KIF1B: variants seen among roughly 807,000 people sequenced by gnomAD.
KIF1B encodes kinesin-like protein KIF1B.
Under a neutral mutation model 241.9 loss-of-function variants are expected in KIF1B, and 76 were observed. The observed-to-expected ratio is 0.31, with a 90% CI of 0.26 to 0.38. KIF1B has a LOEUF of 0.38. Among genes scored for constraint, KIF1B ranks in the 10% least tolerant of loss-of-function variants. The pLI, the probability that KIF1B is intolerant of heterozygous loss-of-function variation, is 1.00. For synonymous variants in KIF1B, 750 were observed against 796.7 expected (o/e 0.94, Z 0.99); for missense variants, 1,622 against 2,271.4 (o/e 0.71, Z 5.81).
At chr1:10,367,666 C>T (rs1638614087) in intron 43 of KIF1B, among the ~76,000 whole-genome samples, 1 of 151,646 alleles carries the variant, frequency 6.6e-6, no homozygotes, top group African/African-American at 2.4e-5. Context: ...TCCTGAGTAG[C>T]TGGGATTACA....
At chr1:10,315,330 A>G (rs1228101903) in intron 22 of KIF1B, among the ~76,000 whole-genome samples, 4 of 151,032 alleles carry the variant, frequency 2.6e-5, no homozygotes, top group Admixed American at 1.3e-4. Context: ...GGCACCTGCT[A>G]TCATGCCCAG....
intron 24 of KIF1B, among the ~76,000 whole-genome samples, chr1:10,323,045 A>G (rs1462414083): frequency 6.6e-6 from 1 of 152,078 alleles, no homozygotes; most frequent in East Asian, 1.9e-4. Context: ...CTCAGTTTGT[A>G]GAGACAGGGT....
At chr1:10,233,978 A>G (rs2102132532) in intron 2 of KIF1B, among the ~76,000 whole-genome samples, 1 of 152,028 alleles carries the variant, frequency 6.6e-6, no homozygotes, top group Admixed American at 6.6e-5. Flanking sequence ...TGGAGGTAAT[A>G]TTACATATTT....
At chr1:10,329,682 G>A (rs1164739822) in intron 27 of KIF1B, among the ~76,000 whole-genome samples, 4 of 152,074 alleles carry the variant, frequency 2.6e-5, no homozygotes, top group African/African-American at 7.2e-5. Context: ...GCAGTGAGCC[G>A]AGATCGCGCC....
At chr1:10,352,878 A>G (rs1232326246) in intron 38 of KIF1B, 142 bp downstream of exon 38, 1 of 672,282 alleles carries the variant, frequency 1.5e-6, no homozygotes, top group African/African-American at 1.8e-5. Context: ...AAATCTCTTT[A>G]TTTCTTCACC....
In KIF1B at chr1:10,378,279, A is replaced by T. The variant is rs940504370; in HGVS notation, c.*1692A>T. On this transcript the variant is annotated 3_prime_UTR_variant, in exon 49 of 49. Transcript: ENST00000676179. ...CCTGCTCCTCTCCATCTGGTGTGGA[A>T]ACACTGCCCAGGGAGAAAGGAGGAA... 9.8e-6 allele frequency: 7 copies of T among 717,006 alleles called. No individual in the cohort carries two copies. Among genetic ancestry groups the T allele is most frequent in the Non-Finnish European group, 1.6e-5 (6 of 384,988 alleles). The allele number at this position is 717,006 out of a possible 1,614,324, so 44.4% of individuals were successfully genotyped here.
At chr1:10,310,935 A>G (rs1251817623) in intron 22 of KIF1B, among the ~76,000 whole-genome samples, 1 of 151,504 alleles carries the variant, frequency 6.6e-6, no homozygotes, top group Non-Finnish European at 1.5e-5. Context: ...AGCAATCAGA[A>G]GAAACTTTGT....
chr1:10,225,317 T>TAAAC (rs1417377518), intron 1 of KIF1B, among the ~76,000 whole-genome samples: 1 of 151,810 alleles, frequency 6.6e-6, no homozygotes, highest in Non-Finnish European at 1.5e-5. Flanking sequence ...GGCCTTGTCT[T>TAAAC]AAACAAACAA....
intron 34 of KIF1B, chr1:10,344,989 T>TA (rs939943251): frequency 6.6e-6 from 1 of 152,200 alleles, no homozygotes; most frequent in Admixed American, 6.6e-5. Context: ...GCTCAGGAGT[T>TA]AGAGACCAGC....
At chr1:10,275,298 A>G in intron 10 of KIF1B, 130 bp from the exon 11 acceptor site, 1 of 653,608 alleles carries the variant, frequency 1.5e-6, no homozygotes, top group African/African-American at 1.8e-5. Context: ...GAAACTATGA[A>G]TGATAAACTT....
intron 7 of KIF1B, 79 bp from the exon 8 acceptor site, chr1:10,271,423 A>G (rs1648794213): frequency 3.9e-6 from 4 of 1,037,978 alleles, no homozygotes; most frequent in Admixed American, 1.7e-5. Context: ...AATCTTTTAA[A>G]AAGCATTCTG....
rs34039054 is a variant in KIF1B at position 10,221,094 on chromosome 1, C to CTTTT, written c.-80+10234_-80+10237dup. ...GATTGGGTTAGAATACAGAAAGAAG[C>CTTTT]TTTTTTTTTTTTTTTTTTTTTGACA... On this transcript the variant is annotated intron_variant, in intron 1 of 48. Coordinates refer to ENST00000676179, the MANE Select transcript of KIF1B (RefSeq NM_001365951.3). 1.3e-3 allele frequency among the ~76,000 whole-genome samples: 120 copies of CTTTT among 94,236 alleles called. 5 individuals are homozygous for CTTTT. Among genetic ancestry groups the CTTTT allele is most frequent in the African/African-American group, 2.4e-3 (55 of 23,254 alleles). 61.8% of individuals were successfully genotyped at this position (94,236 alleles called of 152,430 possible).
At chr1:10,309,588 G>C (rs953283608) in intron 22 of KIF1B, among the ~76,000 whole-genome samples, 2 of 151,504 alleles carry the variant, frequency 1.3e-5, no homozygotes, top group African/African-American at 2.5e-5. Context: ...GGAAAACTCA[G>C]AATGGTGATA....
Position 10,374,228 on chromosome 1 carries a change from G to A in KIF1B, c.4947-88G>A. The A allele has an allele frequency of 7.1e-7, 1 of 1,398,974 alleles. No homozygotes were observed. Among genetic ancestry groups the A allele is most frequent in the Non-Finnish European group, 1.0e-6 (1 of 985,432 alleles). The allele number at this position is 1,398,974 out of a possible 1,614,324, so 86.7% of individuals were successfully genotyped here. On this transcript the variant is annotated intron_variant, in intron 45 of 48. Transcript: ENST00000676179. This position sits in a 1 kb window ranked among gnomAD's most constrained non-coding sequence, Gnocchi z 4.3. The stretch of plus-strand genomic sequence containing the variant: ...GCTGGGGTTTAGGGAGGGCCATTGT[G>A]TTCCTCCCAGTGAAACAGTACTCAG...
chr1:10,235,862 CAAAAAAA>C (rs70997211), intron 2 of KIF1B, among the ~76,000 whole-genome samples: 1 of 70,380 alleles, frequency 1.4e-5, no homozygotes, highest in Admixed American at 1.8e-4. Flanking sequence ...AACACTGTCT[CAAAAAAA>C]AAAAAAAAAA....
intron 2 of KIF1B, among the ~76,000 whole-genome samples, chr1:10,233,698 A>T (rs1224762376): frequency 6.8e-6 from 1 of 147,022 alleles, no homozygotes; most frequent in Non-Finnish European, 1.5e-5. Context: ...TATAAATTGT[A>T]TCTCAATAAA....
intron 24 of KIF1B, among the ~76,000 whole-genome samples, chr1:10,322,364 C>T (rs1012979791): frequency 6.6e-6 from 1 of 152,126 alleles, no homozygotes; most frequent in African/African-American, 2.4e-5. Context: ...CTCCATTCCC[C>T]CATCTACATA....
At chr1:10,255,278 G>T (rs116585915) in intron 2 of KIF1B, among the ~76,000 whole-genome samples, 1,804 of 152,182 alleles carry the variant, frequency 0.012, 11 homozygotes, top group Non-Finnish European at 0.02. Flanking sequence ...ATATTTCAGG[G>T]CTTAACGGGT....
intron 1 of KIF1B, among the ~76,000 whole-genome samples, chr1:10,227,185 G>A (rs773725180): frequency 2.0e-5 from 3 of 151,730 alleles, no homozygotes; most frequent in Non-Finnish European, 4.4e-5. Context: ...ACAGGTGCAC[G>A]TCACCATGCC....
Sources: gnomAD v4.1 joint callset for allele counts (sites outside exome capture counted in the v4.1 genomes callset) on GRCh38, gnomAD v4.1.1 for gene constraint, Gnocchi (gnomAD v3.1) non-coding constraint, MANE v1.5 for transcripts, NCBI Gene and HGNC (gene_info 2026-07-23, HGNC 2026-07-21) for gene names.